Variants in PDE10A observed in about 807,000 individuals in gnomAD.
PDE10A encodes the protein cAMP and cAMP-inhibited cGMP 3',5'-cyclic phosphodiesterase 10A.
PDE10A carries 39 observed loss-of-function variants against 97.7 expected under a neutral mutation model. The observed-to-expected ratio is 0.40, with a 90% CI of 0.31 to 0.52. PDE10A has a LOEUF of 0.52. PDE10A is among the 20% of genes least tolerant of loss of function. The pLI is 0.56. For synonymous variants in PDE10A, 371 were observed against 376.8 expected (o/e 0.98, Z 0.18); for missense variants, 731 against 1,047.8 (o/e 0.70, Z 4.17).
intron 18 of PDE10A, among the ~76,000 whole-genome samples, chr6:165,361,991 A>G (rs1783455954): frequency 6.6e-6 from 1 of 152,182 alleles, no homozygotes; most frequent in African/African-American, 2.4e-5. Context: ...ATCCCTTGAG[A>G]TGTATGAAAA....
chr6:165,526,473 G>C (rs1231568137), intron 2 of PDE10A, among the ~76,000 whole-genome samples: 1 of 152,152 alleles, frequency 6.6e-6, no homozygotes, highest in Non-Finnish European at 1.5e-5. Flanking sequence ...GAAGCCATTA[G>C]AGCTGCTTCT....
chr6:165,491,297 G>C (rs1780212775), intron 2 of PDE10A, among the ~76,000 whole-genome samples: 1 of 152,084 alleles, frequency 6.6e-6, no homozygotes, highest in Non-Finnish European at 1.5e-5. Flanking sequence ...AGTAATAGTG[G>C]GGGACTTCAA....
At chr6:165,908,395 G>A (rs1470424322) in intron 1 of PDE10A, among the ~76,000 whole-genome samples, 1 of 152,208 alleles carries the variant, frequency 6.6e-6, no homozygotes, top group African/African-American at 2.4e-5. Flanking sequence ...CCGTTGGGTT[G>A]GAGAAACATG....
Position 165,430,916 on chromosome 6 carries a change from C to T in PDE10A, c.1542+506G>A, listed in dbSNP as rs897314383. ...AGAGAGAAGGAGAAGATACAAAGAA[C>T]GCTATATTGCTACCATGTTCTTGAA... On this transcript the variant is annotated intron_variant, in intron 8 of 21. Coordinates refer to ENST00000539869, the MANE Select transcript of PDE10A (RefSeq NM_001385079.1). Among the ~76,000 whole-genome samples, 8 of 152,164 alleles carry T rather than the reference C, an allele frequency of 5.3e-5. No homozygotes were observed. The South Asian group carries it at 1.2e-3, about 24-fold the overall frequency.
At chr6:165,419,721 T>C (rs541460616) in intron 10 of PDE10A, among the ~76,000 whole-genome samples, 5 of 152,208 alleles carry the variant, frequency 3.3e-5, no homozygotes, top group Non-Finnish European at 7.3e-5. Context: ...TTTACCTCTA[T>C]TGAGAATTCT....
At chr6:165,351,721 G>A (rs564366512) in intron 18 of PDE10A, among the ~76,000 whole-genome samples, 26 of 152,342 alleles carry the variant, frequency 1.7e-4, no homozygotes, top group Non-Finnish European at 3.4e-4. Flanking sequence ...ACAGTTTTGA[G>A]AGTAAAAGCC....
At chr6:165,679,145 T>C (rs1790905957) in intron 1 of PDE10A, among the ~76,000 whole-genome samples, 1 of 152,170 alleles carries the variant, frequency 6.6e-6, no homozygotes, top group Non-Finnish European at 1.5e-5. Context: ...CCATGGATCA[T>C]CTCAGTTTAT....
At chr6:165,404,153 T>C (rs1487441463) in intron 13 of PDE10A, among the ~76,000 whole-genome samples, 1 of 152,182 alleles carries the variant, frequency 6.6e-6, no homozygotes, top group East Asian at 1.9e-4. Flanking sequence ...GTCACAGGTA[T>C]CCAACTATTC....
chr6:165,769,707 G>A (rs753291746), intron 1 of PDE10A, among the ~76,000 whole-genome samples: 6 of 152,122 alleles, frequency 3.9e-5, no homozygotes, highest in Non-Finnish European at 8.8e-5. Context: ...AATTGCCCGC[G>A]AACAAAGGCA....
chr6:165,613,710 G>A (rs146417017), intron 1 of PDE10A, among the ~76,000 whole-genome samples: 9 of 152,104 alleles, frequency 5.9e-5, no homozygotes, highest in African/African-American at 1.9e-4. Context: ...TTGTCAATAT[G>A]TAGCACTGAA....
At position 165,380,519 on chromosome 6, in the gene PDE10A, G is replaced by T. The variant is rs188334028; in HGVS notation, c.2611-1153C>A. Among the ~76,000 whole-genome samples the T allele has an allele frequency of 2.0e-5, 3 of 152,288 alleles. No individual in the cohort carries two copies. The East Asian group carries it at 5.8e-4, about 29-fold the overall frequency. On this transcript the variant is annotated intron_variant, in intron 17 of 21. Transcript: ENST00000539869. The stretch of plus-strand genomic sequence containing the variant: ...TGATAAATGCAGCAAATGGACTCAG[G>T]TCTAGTTATTTATTTTCCTGACAAT...
intron 1 of PDE10A, among the ~76,000 whole-genome samples, chr6:165,954,265 T>G (rs746670606): frequency 6.6e-6 from 1 of 152,234 alleles, no homozygotes; most frequent in Non-Finnish European, 1.5e-5. Context: ...AATTTTTAGA[T>G]GAAAATATTA....
At chr6:165,530,494 C>G (rs1782708994) in intron 2 of PDE10A, among the ~76,000 whole-genome samples, 1 of 151,932 alleles carries the variant, frequency 6.6e-6, no homozygotes, top group Non-Finnish European at 1.5e-5. Context: ...GAAAAACTAC[C>G]TATTGAGTAC....
At chr6:165,729,168 C>T (rs950978200) in intron 1 of PDE10A, among the ~76,000 whole-genome samples, 1 of 150,884 alleles carries the variant, frequency 6.6e-6, no homozygotes, top group Non-Finnish European at 1.5e-5. Context: ...TGCTACTGCA[C>T]TCCAGCCTGG....
chr6:165,778,864 T>C (rs1261648380), intron 1 of PDE10A, among the ~76,000 whole-genome samples: 4 of 152,218 alleles, frequency 2.6e-5, no homozygotes, highest in African/African-American at 9.6e-5. Flanking sequence ...TTTTTAAAAT[T>C]AGATTGTCTT....
chr6:165,757,677 T>C (rs976857603), intron 1 of PDE10A, among the ~76,000 whole-genome samples: 1 of 152,224 alleles, frequency 6.6e-6, no homozygotes, highest in Non-Finnish European at 1.5e-5. Flanking sequence ...TTCTAATCTG[T>C]TGCATTGATT....
intron 1 of PDE10A, among the ~76,000 whole-genome samples, chr6:165,595,122 G>A (rs924586857): frequency 2.0e-5 from 3 of 152,140 alleles, no homozygotes; most frequent in African/African-American, 7.2e-5. Flanking sequence ...TGGGTTTAAG[G>A]CCCAGGTCCA....
At chr6:165,562,135 G>A (rs1385917353) in intron 1 of PDE10A, among the ~76,000 whole-genome samples, 2 of 151,884 alleles carry the variant, frequency 1.3e-5, no homozygotes, top group African/African-American at 2.4e-5. Context: ...TAAATGACTA[G>A]ACCAGCATGA....
chr6:165,938,499 A>C (rs974252777), intron 1 of PDE10A, among the ~76,000 whole-genome samples: 3 of 152,194 alleles, frequency 2.0e-5, no homozygotes, highest in African/African-American at 7.2e-5. Flanking sequence ...ATCTTGGATG[A>C]GTTTCAACTG....
Sources: gnomAD v4.1 joint callset for allele counts (sites outside exome capture counted in the v4.1 genomes callset) on GRCh38, gnomAD v4.1.1 for gene constraint, MANE v1.5 for transcripts, NCBI Gene and HGNC (gene_info 2026-07-23, HGNC 2026-07-21) for gene names.